Variants in USP36 observed in about 807,000 individuals in gnomAD.
USP36 encodes ubiquitin specific peptidase 36.
A neutral mutation model predicts 111.5 loss-of-function variants in USP36; 59 were observed. The observed-to-expected ratio is 0.53, with a 90% CI of 0.43 to 0.66. USP36 has a LOEUF of 0.66. Ranked by LOEUF, USP36 falls within the 30% of genes least tolerant of loss-of-function variation. The probability of loss-of-function intolerance (pLI) is 0.00; values close to 1 mark genes in which losing one functional copy is unlikely to be tolerated. For synonymous variants in USP36, 628 were observed against 581.0 expected, an observed-to-expected ratio of 1.08 and a Z score of -1.16; for missense variants, 1,488 against 1,468.0, an observed-to-expected ratio of 1.01 and a Z score of -0.22.
chr17:78,827,315 C>T lies in USP36; in HGVS notation c.619G>A (p.Glu207Lys). 1 of 1,613,336 alleles carries T rather than the reference C, an allele frequency of 6.2e-7. No homozygotes were observed. Among genetic ancestry groups the T allele is most frequent in the Non-Finnish European group, 8.5e-7 (1 of 1,179,368 alleles). ...IARHFRFGNQ[E>K]DAHEFLRYTI... is the part of the protein sequence containing the mutation. ...TACCGCAGGAACTCATGCGCGTCCT[C>T]CTGGTTCCCAAAGCGGAAGTGTCGG... Residue 207 changes from glutamate to lysine, a missense_variant, in exon 6 of 21, where the codon GAG becomes AAG. Around this residue, in one of 3 missense-constraint regions of USP36, gnomAD observed 196 missense variants for 264.4 expected, o/e 0.74. Coordinates refer to ENST00000449938, the MANE Select transcript of USP36 (RefSeq NM_001385174.1).
intron 17 of USP36, among the ~76,000 whole-genome samples, chr17:78,801,535 T>TA (rs2093742819): frequency 1.3e-5 from 2 of 152,162 alleles, no homozygotes; most frequent in South Asian, 4.2e-4. Context: ...CCCCTTCACT[T>TA]AACAAATGTG....
rs148007252 is a variant in USP36, at chr17:78,798,929, G to A, written c.3219C>T (p.Asp1073=). 1.3e-5 allele frequency: 21 copies of A among 1,613,866 alleles called. No homozygotes were observed. The highest frequency in any genetic ancestry group is 1.1e-4 in the South Asian group (10 of 91,078). ...ATACCTTCCCTCGGTCAAACTCTTC[G>A]TCCCAGTCATCAACCACGGTCTCAG... is the stretch of plus-strand genomic sequence containing the variant. ...ARTETVVDDW[D]EEFDRGKEKK... Residue 1073 remains aspartate, a synonymous_variant, in exon 19 of 21, where the codon GAC becomes GAT. Coordinates refer to ENST00000449938, the MANE Select transcript of USP36 (RefSeq NM_001385174.1). This position sits in a 1 kb window ranked among gnomAD's most constrained non-coding sequence, Gnocchi z 5.1.
chr17:78,828,125 G>A (rs937323473), intron 5 of USP36, among the ~76,000 whole-genome samples: 7 of 152,120 alleles, frequency 4.6e-5, no homozygotes, highest in Admixed American at 2.0e-4. Flanking sequence ...GGCCAAGGCC[G>A]ACTGCTTGAG....
At chr17:78,804,079 T>A (rs2145043698) in intron 15 of USP36, 101 bp from the exon 16 acceptor site, 1 of 844,184 alleles carries the variant, frequency 1.2e-6, no homozygotes, top group East Asian at 2.6e-5. Flanking sequence ...CCTAAAAATC[T>A]GAAAAGGCTT....
At chr17:78,837,707 T>C (rs1294424493) in intron 2 of USP36, among the ~76,000 whole-genome samples, 2 of 152,128 alleles carry the variant, frequency 1.3e-5, no homozygotes, top group Non-Finnish European at 2.9e-5. Context: ...TTCAAAAATA[T>C]GTCCCTTAAA....
downstream of USP36, among the ~76,000 whole-genome samples, chr17:78,793,231 A>T (rs2093598060): frequency 6.6e-6 from 1 of 152,086 alleles, no homozygotes; most frequent in Non-Finnish European, 1.5e-5. Context: ...GTGGGATGGG[A>T]ATTCTTGAGG....
chr17:78,816,517 T>C (rs1279451325), intron 10 of USP36, among the ~76,000 whole-genome samples: 2 of 152,040 alleles, frequency 1.3e-5, no homozygotes, highest in Non-Finnish European at 2.9e-5. Flanking sequence ...TCCCAGCTAC[T>C]TGGGAGGCTG....
intron 4 of USP36, among the ~76,000 whole-genome samples, chr17:78,834,995 T>TTGTG (rs1359398500): frequency 6.1e-5 from 4 of 65,780 alleles, no homozygotes; most frequent in African/African-American, 3.9e-4. Flanking sequence ...AAAATAATAT[T>TTGTG]TGTATATATA....
In USP36 at chr17:78,798,506, TG is replaced by T; in HGVS notation, c.3285del (p.Phe1095LeufsTer16). On this transcript the variant is annotated frameshift_variant, in exon 20 of 21. Coordinates refer to ENST00000449938, the MANE Select transcript of USP36 (RefSeq NM_001385174.1). LOFTEE classifies it high-confidence loss of function. This position sits in a 1 kb window ranked among gnomAD's most constrained non-coding sequence, Gnocchi z 5.1. ...CGAGTCTGAAGTTTCTGGAAGGCGT[TG>T]AAGTTTCTCCTCTTCTCTCTCTTAA... ...KKFKREKRRNFNAFQKLQTRR... is the reference protein window; with the variant it reads ...KKFKREKRRNXNAFQKLQTRR... 1 of 1,614,208 alleles carries T rather than the reference TG, an allele frequency of 6.2e-7. No individual in the cohort carries two copies. The highest frequency in any genetic ancestry group is 8.5e-7 in the Non-Finnish European group (1 of 1,180,048).
In USP36 at chr17:78,827,554, G is replaced by A. The variant is rs59755031; in HGVS notation, c.587-207C>T. On this transcript the variant is annotated intron_variant, in intron 5 of 20. Transcript: ENST00000449938. ...TGGCCACCACTTTCTCAATAAGATT[G>A]CAGGCTTGAGCATTCACTACTGCAC... Among the ~76,000 whole-genome samples the A allele has an allele frequency of 6.8e-3, 1,038 of 152,274 alleles. 13 individuals are homozygous for A. Among genetic ancestry groups the A allele is most frequent in the African/African-American group, 0.023 (972 of 41,540 alleles).
intron 3 of USP36, among the ~76,000 whole-genome samples, chr17:78,788,111 G>C (rs1567895218): frequency 1.3e-5 from 2 of 152,112 alleles, no homozygotes; most frequent in Admixed American, 1.3e-4. Flanking sequence ...CAGGAAGCGA[G>C]TACATGAAGC....
chr17:78,838,216 C>CA (rs1036394966), intron 2 of USP36, among the ~76,000 whole-genome samples: 1 of 151,610 alleles, frequency 6.6e-6, no homozygotes, highest in African/African-American at 2.4e-5. Context: ...ACTAAAAATA[C>CA]AAAAAAACTA....
Position 78,835,488 on chromosome 17 carries a change from CGT to C in USP36, c.265_266del (p.Thr89ValfsTer2). 1 of 1,603,178 alleles carries C rather than the reference CGT, an allele frequency of 6.2e-7. No homozygotes were observed. The highest frequency in any genetic ancestry group is 8.5e-7 in the Non-Finnish European group (1 of 1,174,452). Reference protein sequence around the residue: ...PPARRQGSEHTYESCGDGVPA... With the variant: ...PPARRQGSEHXYESCGDGVPA... Reference sequence around the variant, plus strand: ...GGACTCCGTCACCACAGCTCTCATACGTGTGCTCACTGCCTGAGGAAGAAAGG... The same window carrying C: ...GGACTCCGTCACCACAGCTCTCATACGTGCTCACTGCCTGAGGAAGAAAGG... On this transcript the variant is annotated frameshift_variant, in exon 4 of 21. Coordinates refer to ENST00000449938, the MANE Select transcript of USP36 (RefSeq NM_001385174.1). LOFTEE classifies it high-confidence loss of function.
At chr17:78,790,130 C>G (rs2093570547) in intron 3 of USP36, among the ~76,000 whole-genome samples, 1 of 151,612 alleles carries the variant, frequency 6.6e-6, no homozygotes, top group African/African-American at 2.4e-5. Context: ...GCTCTGTCAT[C>G]CAGGCTGGAG....
At chr17:78,837,315 C>T (rs2068774440) in intron 2 of USP36, among the ~76,000 whole-genome samples, 1 of 151,832 alleles carries the variant, frequency 6.6e-6, no homozygotes, top group Admixed American at 6.6e-5. Context: ...AATGTCTTCC[C>T]AGGACTCTTA....
At chr17:78,805,738 A>C (rs2093881256) in intron 15 of USP36, among the ~76,000 whole-genome samples, 1 of 152,194 alleles carries the variant, frequency 6.6e-6, no homozygotes, top group African/African-American at 2.4e-5. Context: ...CTAGCAGGCA[A>C]GACGTCCCAC....
chr17:78,818,452 C>T (rs2094238918), intron 10 of USP36, among the ~76,000 whole-genome samples: 1 of 152,218 alleles, frequency 6.6e-6, no homozygotes, highest in South Asian at 2.1e-4. Flanking sequence ...TTTTAAAAGG[C>T]GTCCCAGGTT....
In USP36 at chr17:78,806,949, A is replaced by G. The variant is rs748888707; in HGVS notation, c.2085+10T>C. 1 of 1,613,172 alleles carries G rather than the reference A, an allele frequency of 6.2e-7. No individual in the cohort carries two copies. Among genetic ancestry groups the G allele is most frequent in the Non-Finnish European group, 8.5e-7 (1 of 1,179,402 alleles). On this transcript the variant is annotated intron_variant, in intron 14 of 20. Coordinates refer to ENST00000449938, the MANE Select transcript of USP36 (RefSeq NM_001385174.1). ...GATACACAGCAGCGGCGAGACCCCC[A>G]CACACCCACCTTCTTGGCAGAAAGG...
intron 14 of USP36, among the ~76,000 whole-genome samples, chr17:78,806,584 C>T (rs991956530): frequency 6.6e-6 from 1 of 152,246 alleles, no homozygotes; most frequent in African/African-American, 2.4e-5. Context: ...AGGTGCCGGG[C>T]ACCCCACTGG....
Sources: gnomAD v4.1 joint callset for allele counts (sites outside exome capture counted in the v4.1 genomes callset) on GRCh38, gnomAD v4.1.1 for gene constraint, gnomAD v4.1.1 regional missense constraint, Gnocchi (gnomAD v3.1) non-coding constraint, MANE v1.5 for transcripts, NCBI Gene and HGNC (gene_info 2026-07-23, HGNC 2026-07-21) for gene names.